The following PAK5 variants were observed in gnomAD, a reference collection of about 807,000 sequenced individuals.
PAK5 encodes serine/threonine-protein kinase PAK 5.
A neutral mutation model predicts 65.9 loss-of-function variants in PAK5; 16 were observed. The ratio of observed to expected loss-of-function variants is 0.24; its 90% CI spans 0.16 to 0.37. PAK5 has a LOEUF of 0.37. Among genes scored for constraint, PAK5 ranks in the 10% least tolerant of loss-of-function variants. The pLI is 1.00. For synonymous variants in PAK5, 371 were observed against 354.9 expected (o/e 1.05, Z -0.51); for missense variants, 785 against 903.9 (o/e 0.87, Z 1.69).
intron 1 of PAK5, among the ~76,000 whole-genome samples, chr20:9,749,585 T>A (rs912403614): frequency 6.6e-6 from 1 of 152,184 alleles, no homozygotes; most frequent in Non-Finnish European, 1.5e-5. Context: ...GAAATGAATG[T>A]TAATGGGAAG....
At chr20:9,640,940 C>A (rs1189449837) in intron 3 of PAK5, among the ~76,000 whole-genome samples, 1 of 152,154 alleles carries the variant, frequency 6.6e-6, no homozygotes, top group Non-Finnish European at 1.5e-5. Flanking sequence ...AGCGAAAGAA[C>A]AAAGCTTCCA....
At chr20:9,776,579 T>C (rs1180649567) in intron 1 of PAK5, among the ~76,000 whole-genome samples, 2 of 152,214 alleles carry the variant, frequency 1.3e-5, no homozygotes, top group African/African-American at 4.8e-5. Flanking sequence ...TTTCTAGGAA[T>C]GGTCTAACAC....
intron 1 of PAK5, among the ~76,000 whole-genome samples, chr20:9,787,445 C>G (rs996722352): frequency 2.0e-5 from 3 of 152,116 alleles, no homozygotes; most frequent in Non-Finnish European, 4.4e-5. Flanking sequence ...TAAATTATAT[C>G]CCAATACAGC....
At chr20:9,554,752 G>A (rs1010986063) in intron 7 of PAK5, among the ~76,000 whole-genome samples, 4 of 152,076 alleles carry the variant, frequency 2.6e-5, no homozygotes, top group African/African-American at 9.7e-5. Flanking sequence ...TACAGATACT[G>A]GAGAAACCAC....
intron 4 of PAK5, among the ~76,000 whole-genome samples, chr20:9,571,967 G>T (rs1401236181): frequency 6.6e-6 from 1 of 151,786 alleles, no homozygotes; most frequent in African/African-American, 2.4e-5. Context: ...TTCACTGGGG[G>T]CCCAGATGTT....
chr20:9,778,847 G>A (rs1334625556), intron 1 of PAK5, among the ~76,000 whole-genome samples: 3 of 152,064 alleles, frequency 2.0e-5, no homozygotes, highest in Admixed American at 6.5e-5. Flanking sequence ...TCAGGAAACC[G>A]CAACGTAAGT....
intron 2 of PAK5, among the ~76,000 whole-genome samples, chr20:9,649,889 A>T (rs2047181364): frequency 6.6e-6 from 1 of 152,212 alleles, no homozygotes; most frequent in African/African-American, 2.4e-5. Context: ...TGCTACACAG[A>T]TAAGGAAACT....
At chr20:9,721,793 T>TA (rs1315928320) in intron 1 of PAK5, among the ~76,000 whole-genome samples, 7 of 150,462 alleles carry the variant, frequency 4.7e-5, no homozygotes, top group Non-Finnish European at 8.8e-5. Flanking sequence ...GTTCAGAAAA[T>TA]AGAGCATGAC....
chr20:9,776,753 C>T (rs1009735316), intron 1 of PAK5, among the ~76,000 whole-genome samples: 1 of 152,116 alleles, frequency 6.6e-6, no homozygotes, highest in African/African-American at 2.4e-5. Flanking sequence ...CCCCCAAGCC[C>T]CAGTTAAATC....
intron 3 of PAK5, among the ~76,000 whole-genome samples, chr20:9,626,196 T>C (rs1341383526): frequency 1.3e-5 from 2 of 152,040 alleles, no homozygotes; most frequent in Admixed American, 6.6e-5. Context: ...TTATGGCACA[T>C]CTGTAGAATT....
At chr20:9,736,746 G>A (rs1021059823) in intron 1 of PAK5, among the ~76,000 whole-genome samples, 6 of 152,314 alleles carry the variant, frequency 3.9e-5, no homozygotes, top group Admixed American at 3.3e-4. Flanking sequence ...TTTCGCTTAT[G>A]TGGCCAAATT....
rs2045955538 is a variant in PAK5 at position 9,580,328 on chromosome 20, C to A, written c.807G>T (p.Lys269Asn). The part of the protein sequence containing the change: ...PSLDDYDRRP[K>N]SSYLNQTSPQ... ...GGCTTGTCTGATTCAGGTACGAAGA[C>A]TTTGGCCTCCTGTCATAGTCATCCA... Residue 269 changes from lysine (K) to asparagine (N), a missense_variant, in exon 4 of 10, where the codon AAG (lysine) becomes AAT (asparagine). Physicochemically the swap from Lys to Asn is moderately conservative, Grantham distance 94 (BLOSUM62 0). Transcript: ENST00000353224. The A allele has an allele frequency of 1.2e-6, 2 of 1,614,022 alleles. No individual in the cohort carries two copies. The highest frequency in any genetic ancestry group is 2.7e-5 in the African/African-American group (2 of 74,902).
rs112339181 is a variant in PAK5, at chr20:9,662,797, C to T, written c.-11-18458G>A. On this transcript the variant is annotated intron_variant, in intron 2 of 9. Coordinates refer to ENST00000353224, the MANE Select transcript of PAK5 (RefSeq NM_177990.4). Reference sequence around the variant, plus strand: ...ATCATTTTTTTTTCTGATAACAACACTATGCTGTCAGCAAATAGCATTAGC... The same window carrying T: ...ATCATTTTTTTTTCTGATAACAACATTATGCTGTCAGCAAATAGCATTAGC... 2.8e-3 allele frequency among the ~76,000 whole-genome samples: 431 copies of T among 152,168 alleles called. 1 individual carries two copies. The highest frequency in any genetic ancestry group is 0.01 in the African/African-American group (418 of 41,526).
chr20:9,560,441 C>G (rs1024775913), intron 6 of PAK5, among the ~76,000 whole-genome samples: 1 of 152,146 alleles, frequency 6.6e-6, no homozygotes, highest in Non-Finnish European at 1.5e-5. Context: ...CTCACTGCAG[C>G]CTTGAACTTC....
chr20:9,581,301 T>A (rs1442532116), intron 3 of PAK5, among the ~76,000 whole-genome samples: 2 of 152,212 alleles, frequency 1.3e-5, no homozygotes, highest in African/African-American at 4.8e-5. Flanking sequence ...CTGATAATTA[T>A]AATTTAACAC....
At chr20:9,573,190 T>C (rs971578558) in intron 4 of PAK5, among the ~76,000 whole-genome samples, 13 of 151,706 alleles carry the variant, frequency 8.6e-5, no homozygotes, top group Non-Finnish European at 1.9e-4. Context: ...CTTTAAAAAA[T>C]GTGCTTTGTC....
chr20:9,774,381 C>T (rs2048865343), intron 1 of PAK5, among the ~76,000 whole-genome samples: 1 of 152,214 alleles, frequency 6.6e-6, no homozygotes, highest in South Asian at 2.1e-4. Flanking sequence ...CAGCCATTAC[C>T]ATCCCTGGAG....
At chr20:9,594,849 C>G (rs1458150886) in intron 3 of PAK5, among the ~76,000 whole-genome samples, 3 of 152,104 alleles carry the variant, frequency 2.0e-5, no homozygotes, top group Non-Finnish European at 4.4e-5. Context: ...AACCATTTGC[C>G]TTTGATTTAG....
chr20:9,542,026 C>T (rs1033204158), intron 9 of PAK5, among the ~76,000 whole-genome samples: 2 of 152,156 alleles, frequency 1.3e-5, no homozygotes, highest in African/African-American at 4.8e-5. Flanking sequence ...ATTACTCAGT[C>T]TTGGGTATTT....
Sources: allele counts gnomAD v4.1 joint callset (sites outside exome capture counted in the v4.1 genomes callset), GRCh38; gene constraint gnomAD v4.1.1; transcripts MANE v1.5; gene names NCBI Gene and HGNC (gene_info 2026-07-23, HGNC 2026-07-21).